CDH20: variants seen among roughly 807,000 people sequenced by gnomAD.
The protein encoded by CDH20 is cadherin-20.
CDH20 carries 29 observed loss-of-function variants against 74.2 expected under a neutral mutation model. That is an observed-to-expected ratio of 0.39 (90% CI 0.29 to 0.53). The LOEUF (loss-of-function observed/expected upper bound fraction) is 0.53. Among genes scored for constraint, CDH20 ranks in the 20% least tolerant of loss-of-function variants. CDH20 has a pLI of 0.69. For missense variants in CDH20, 988 were observed against 1,048.3 expected (o/e 0.94, Z 0.79); for synonymous variants, 469 against 405.4 (o/e 1.16, Z -1.88).
At chr18:61,341,428 C>G (rs971642402) in intron 1 of CDH20, among the ~76,000 whole-genome samples, 1,574 of 151,906 alleles carry the variant, frequency 0.01, 31 homozygotes, top group African/African-American at 0.036. Context: ...TTGAGCCCCC[C>G]CCCCGCCTAA....
intron 1 of CDH20, among the ~76,000 whole-genome samples, chr18:61,467,266 C>G (rs1215575411): frequency 1.3e-5 from 2 of 152,158 alleles, no homozygotes; most frequent in African/African-American, 4.8e-5. Context: ...CCTATTCTCT[C>G]TGTATTTGGA....
intron 1 of CDH20, among the ~76,000 whole-genome samples, chr18:61,337,896 G>A (rs1051038261): frequency 2.0e-5 from 3 of 152,272 alleles, no homozygotes; most frequent in Admixed American, 2.0e-4. Context: ...TATAAAAAAG[G>A]AACATCTTTA....
chr18:61,486,982 G>A (rs939027297), intron 1 of CDH20, among the ~76,000 whole-genome samples: 1 of 152,078 alleles, frequency 6.6e-6, no homozygotes, highest in Non-Finnish European at 1.5e-5. Context: ...ATATCACAAC[G>A]AATTTACGTA....
intron 6 of CDH20, 113 bp from the exon 7 acceptor site, chr18:61,527,854 T>A: frequency 1.0e-6 from 1 of 966,864 alleles, no homozygotes. Context: ...TCCCACTTAA[T>A]GAATTGGAGA....
intron 6 of CDH20, among the ~76,000 whole-genome samples, chr18:61,524,055 TATA>T (rs141655676): frequency 3.3e-5 from 5 of 151,088 alleles, no homozygotes; most frequent in African/African-American, 9.7e-5. Context: ...GGATTTAAAG[TATA>T]ATAATAATAA....
chr18:61,482,013 TAAA>T (rs143397411), intron 1 of CDH20, among the ~76,000 whole-genome samples: 213 of 151,146 alleles, frequency 1.4e-3, no homozygotes, highest in East Asian at 0.012. Flanking sequence ...AATAGACAAA[TAAA>T]AAAAAAAAAA....
At chr18:61,397,923 T>C (rs1019679933) in intron 1 of CDH20, among the ~76,000 whole-genome samples, 36 of 152,352 alleles carry the variant, frequency 2.4e-4, no homozygotes, top group African/African-American at 8.4e-4. Flanking sequence ...TCGTAAGAGA[T>C]GCAGAAAACG....
At chr18:61,364,498 G>A (rs1910798580) in intron 1 of CDH20, among the ~76,000 whole-genome samples, 1 of 152,174 alleles carries the variant, frequency 6.6e-6, no homozygotes, top group African/African-American at 2.4e-5. Context: ...TTTTAGTAGA[G>A]ATGTGGTTTC....
At chr18:61,465,012 A>G (rs1474046376) in intron 1 of CDH20, among the ~76,000 whole-genome samples, 1 of 152,260 alleles carries the variant, frequency 6.6e-6, no homozygotes, top group East Asian at 1.9e-4. Flanking sequence ...AAATGACACT[A>G]TCCACAAATG....
At chr18:61,499,545 T>C (rs113451773) in intron 3 of CDH20, 65 bp downstream of exon 3, 42 of 739,332 alleles carry the variant, frequency 5.7e-5, no homozygotes, top group Non-Finnish European at 7.4e-5. Flanking sequence ...CACACACACA[T>C]ATGCACATGC....
intron 2 of CDH20, among the ~76,000 whole-genome samples, chr18:61,497,227 TC>T (rs139817124): frequency 0.022 from 3,360 of 152,218 alleles, 128 homozygotes; most frequent in East Asian, 0.11. Context: ...TCAATTTTAT[TC>T]CCTTATTTCT....
At chr18:61,546,953 G>C (rs1486536457) in intron 10 of CDH20, among the ~76,000 whole-genome samples, 1 of 152,194 alleles carries the variant, frequency 6.6e-6, no homozygotes, top group Non-Finnish European at 1.5e-5. Context: ...CACTTTGGGA[G>C]GCTGAGGCAG....
chr18:61,536,549 C>T lies in CDH20; in HGVS notation c.1328C>T (p.Thr443Ile). The change falls in exon 8 of 12, where the codon ACA (threonine) becomes ATA (isoleucine). Residue 443 changes from threonine (T) to isoleucine (I), a missense_variant. Thr to Ile is a moderately conservative substitution (Grantham distance 89). Around this residue, in one of 2 missense-constraint regions of CDH20, gnomAD observed 613 missense variants for 755.2 expected, o/e 0.81. Transcript: ENST00000262717. Reference sequence around the variant, plus strand: ...AGATTTTTCTATGTTGACATTACAACAGGTGCCCTAATGACAGCAAGACCC... The same window carrying T: ...AGATTTTTCTATGTTGACATTACAATAGGTGCCCTAATGACAGCAAGACCC... ...PGRFFYVDIT[T>I]GALMTARPLD... is the part of the protein sequence containing the mutation. 1.2e-6 allele frequency: 2 copies of T among 1,613,164 alleles called. No individual in the cohort carries two copies. Among genetic ancestry groups the T allele is most frequent in the South Asian group, 2.2e-5 (2 of 91,064 alleles).
At chr18:61,362,323 T>C (rs926590300) in intron 1 of CDH20, among the ~76,000 whole-genome samples, 1 of 152,272 alleles carries the variant, frequency 6.6e-6, no homozygotes, top group African/African-American at 2.4e-5. Flanking sequence ...CATAGAGACC[T>C]AAAAACAGAA....
intron 1 of CDH20, among the ~76,000 whole-genome samples, chr18:61,489,159 T>C (rs1283706125): frequency 1.3e-5 from 2 of 152,228 alleles, no homozygotes; most frequent in Non-Finnish European, 2.9e-5. Context: ...TATACAGAAA[T>C]GAAATGGCAT....
intron 1 of CDH20, among the ~76,000 whole-genome samples, chr18:61,364,831 T>C (rs1910808940): frequency 6.6e-6 from 1 of 152,190 alleles, no homozygotes; most frequent in Non-Finnish European, 1.5e-5. Context: ...TTACCCAGTC[T>C]CAGGTGTTCC....
At chr18:61,469,862 T>C (rs1354981464) in intron 1 of CDH20, among the ~76,000 whole-genome samples, 2 of 152,152 alleles carry the variant, frequency 1.3e-5, no homozygotes, top group Non-Finnish European at 2.9e-5. Context: ...GGGAGAGGGA[T>C]GTAGGTACAT....
chr18:61,349,666 A>C (rs1187779380), intron 1 of CDH20, among the ~76,000 whole-genome samples: 2 of 152,100 alleles, frequency 1.3e-5, no homozygotes, highest in Non-Finnish European at 2.9e-5. Flanking sequence ...CATTCAAGCC[A>C]TATCTCTCCT....
chr18:61,406,191 A>G (rs1222295622), intron 1 of CDH20, among the ~76,000 whole-genome samples: 1 of 152,148 alleles, frequency 6.6e-6, no homozygotes, highest in Non-Finnish European at 1.5e-5. Flanking sequence ...TTGTTCAAGT[A>G]TGAAGGTGAA....
Sources: allele counts gnomAD v4.1 joint callset (sites outside exome capture counted in the v4.1 genomes callset), GRCh38; gene constraint gnomAD v4.1.1; regional missense constraint gnomAD v4.1.1; transcripts MANE v1.5; gene names NCBI Gene and HGNC (gene_info 2026-07-23, HGNC 2026-07-21).